SNCG: variants seen among roughly 807,000 people sequenced by gnomAD.
The protein encoded by SNCG is synuclein gamma.
A neutral mutation model predicts 16.0 loss-of-function variants in SNCG; 13 were observed. The observed-to-expected ratio is 0.81, with a 90% CI of 0.53 to 1.29. The LOEUF (loss-of-function observed/expected upper bound fraction) is 1.29, where lower values mean the gene tolerates loss of function less well. SNCG is among the 50% of genes most tolerant of loss of function. The pLI is 0.00. For missense variants in SNCG, 154 were observed against 168.5 expected (o/e 0.91, Z 0.48); for synonymous variants, 66 against 66.3 (o/e 1.00, Z 0.02).
intron 3 of SNCG, among the ~76,000 whole-genome samples, chr10:86,960,673 G>T (rs1028653015): frequency 6.6e-6 from 1 of 152,180 alleles, no homozygotes; most frequent in Non-Finnish European, 1.5e-5. Context: ...CACGTGTGTT[G>T]AGTGAGCATG....
Position 86,962,612 on chromosome 10 carries a change from G to C in SNCG, c.300G>C (p.Leu100Phe). The change falls in exon 4 of 5, where the codon TTG (leucine) becomes TTC (phenylalanine). Residue 100 changes from leucine (L) to phenylalanine (F), a missense_variant. Transcript: ENST00000372017. Reference sequence around the variant, plus strand: ...CCTTTTGTCCCCTACAGGAGGACTTGAGGCCATCTGCCCCCCAACAGGAGG... The same window carrying C: ...CCTTTTGTCCCCTACAGGAGGACTTCAGGCCATCTGCCCCCCAACAGGAGG... ...VTSGVVRKEDLRPSAPQQEGE... is the reference protein window; with the variant it reads ...VTSGVVRKEDFRPSAPQQEGE... 1 of 1,612,144 alleles carries C rather than the reference G, an allele frequency of 6.2e-7. No individual in the cohort carries two copies.
intron 4 of SNCG, 92 bp from the exon 5 acceptor site, chr10:86,962,873 G>T: frequency 6.9e-7 from 1 of 1,440,108 alleles, no homozygotes; most frequent in Non-Finnish European, 9.5e-7. Flanking sequence ...CCTCAGGCAT[G>T]GGGCACAGAA....
At position 86,960,023 on chromosome 10, in the gene SNCG, G is replaced by C; in HGVS notation, c.186G>C (p.Gln62His). The change falls in exon 3 of 5, where the codon CAG (glutamine) becomes CAC (histidine). Residue 62 changes from glutamine (Q) to histidine (H), a missense_variant. Coordinates refer to ENST00000372017, the MANE Select transcript of SNCG (RefSeq NM_003087.3). ...TAGTGGCCGAGAAGACCAAGGAGCA[G>C]GCCAACGCCGTGAGCGAGGCTGTGG... ...VTSVAEKTKEQANAVSEAVVS... is the reference protein window; with the variant it reads ...VTSVAEKTKEHANAVSEAVVS... The C allele has an allele frequency of 6.2e-7, 1 of 1,607,010 alleles. No homozygotes were observed. The highest frequency in any genetic ancestry group is 8.5e-7 in the Non-Finnish European group (1 of 1,177,562).
chr10:86,959,888 G>T lies in SNCG; in HGVS notation c.164-113G>T. 6.7e-7 allele frequency: 1 copy of T among 1,494,494 alleles called. No homozygotes were observed. The highest frequency in any genetic ancestry group is 9.0e-7 in the Non-Finnish European group (1 of 1,107,924). The allele number at this position is 1,494,494 out of a possible 1,614,324, so 92.6% of individuals were successfully genotyped here. A position where few individuals can be genotyped will look rare whatever the true frequency, so the allele number is the denominator to read the frequency against. Reference sequence around the variant, plus strand: ...CCTGGAGTCAGAGGGAGCAGGGGAGGGTCCCAGCAGGGCCAGGGCTCTGAG... The same window carrying T: ...CCTGGAGTCAGAGGGAGCAGGGGAGTGTCCCAGCAGGGCCAGGGCTCTGAG... On this transcript the variant is annotated intron_variant, in intron 2 of 4. Transcript: ENST00000372017. The surrounding 1 kb of genome is among the most constrained non-coding windows in gnomAD (Gnocchi z 4.3).
chr10:86,958,504 CT>C, upstream of SNCG: 4 of 1,188,572 alleles, frequency 3.4e-6, no homozygotes, highest in Non-Finnish European at 4.3e-6. Context: ...CCTTCCCTCC[CT>C]CCCTCCCTCC....
In SNCG at chr10:86,959,303, A is replaced by G; in HGVS notation, c.122-330A>G. 1 of 473,886 alleles carries G rather than the reference A, an allele frequency of 2.1e-6. No individual in the cohort carries two copies. The highest frequency in any genetic ancestry group is 3.0e-5 in the South Asian group (1 of 33,872). 29.4% of individuals were successfully genotyped at this position (473,886 alleles called of 1,614,324 possible). ...TCTCCAGAGGAGGAAGGGGAGGTCAAGCCAATGACTCAGCTCTGGCCCATC... is the reference window on the plus strand; with the variant it reads ...TCTCCAGAGGAGGAAGGGGAGGTCAGGCCAATGACTCAGCTCTGGCCCATC... On this transcript the variant is annotated intron_variant, in intron 1 of 4. Coordinates refer to ENST00000372017, the MANE Select transcript of SNCG (RefSeq NM_003087.3). This position sits in a 1 kb window ranked among gnomAD's most constrained non-coding sequence, Gnocchi z 4.3.
rs190030621 is a variant in SNCG at position 86,963,225 on chromosome 10, T to A, written c.*240T>A. On this transcript the variant is annotated 3_prime_UTR_variant, in exon 5 of 5. Transcript: ENST00000372017. ...CTTATGCTGCTGTGAATTTTTTTTTTAAATGATTCCAAATAAAACTTGAGC... is the reference window on the plus strand; with the variant it reads ...CTTATGCTGCTGTGAATTTTTTTTTAAAATGATTCCAAATAAAACTTGAGC... 8,218 of 427,878 alleles carry A rather than the reference T, an allele frequency of 0.019. 116 individuals carry two copies. The highest frequency in any genetic ancestry group is 0.045 in the Middle Eastern group (75 of 1,666). 26.5% of individuals were successfully genotyped at this position (427,878 alleles called of 1,614,324 possible). A position where few individuals can be genotyped will look rare whatever the true frequency, so the allele number is the denominator to read the frequency against.
At chr10:86,957,677 C>T, upstream of SNCG, 1 of 1,348,850 alleles carries the variant, frequency 7.4e-7, no homozygotes, top group Non-Finnish European at 9.9e-7. Context: ...GTGGCCTGGG[C>T]CGGCCTACCC....
chr10:86,956,436 C>A (rs1056237962), upstream of SNCG, among the ~76,000 whole-genome samples: 2 of 152,128 alleles, frequency 1.3e-5, no homozygotes. Flanking sequence ...GTAAGTTGGC[C>A]CCCCCCTCAC....
chr10:86,962,217 T>A (rs1420398027), intron 3 of SNCG, among the ~76,000 whole-genome samples: 4 of 151,650 alleles, frequency 2.6e-5, no homozygotes, highest in East Asian at 3.9e-4. Context: ...TGAACCCCAA[T>A]CAGTCTTCCT....
At chr10:86,962,496 G>C in intron 3 of SNCG, 108 bp from the exon 4 acceptor site, 4 of 711,684 alleles carry the variant, frequency 5.6e-6, no homozygotes, top group Non-Finnish European at 9.6e-6. Context: ...AGGCCACGAG[G>C]GGCCTCTGCT....
At position 86,959,801 on chromosome 10, in the gene SNCG, C is replaced by T; in HGVS notation, c.163+127C>T. Reference sequence around the variant, plus strand: ...CTGGGGTCCCAAGCCCTACAGACCCCTGCAGACCATGAGGCTAAACTAGGG... The same window carrying T: ...CTGGGGTCCCAAGCCCTACAGACCCTTGCAGACCATGAGGCTAAACTAGGG... On this transcript the variant is annotated intron_variant, in intron 2 of 4. Transcript: ENST00000372017. This position sits in a 1 kb window ranked among gnomAD's most constrained non-coding sequence, Gnocchi z 4.3. 2 of 1,257,624 alleles carry T rather than the reference C, an allele frequency of 1.6e-6. No individual in the cohort carries two copies. Among genetic ancestry groups the T allele is most frequent in the Non-Finnish European group, 2.2e-6 (2 of 914,752 alleles). The allele number at this position is 1,257,624 out of a possible 1,614,324, so 77.9% of individuals were successfully genotyped here.
At chr10:86,956,278 C>A (rs1404026784), upstream of SNCG, among the ~76,000 whole-genome samples, 4 of 152,136 alleles carry the variant, frequency 2.6e-5, no homozygotes, top group Admixed American at 2.6e-4. Context: ...CCACTGCCAC[C>A]AGACCCTCAC....
rs974778982 is a variant in SNCG, at chr10:86,959,420, CTT to C, written c.122-212_122-211del. 1 of 604,282 alleles carries C rather than the reference CTT, an allele frequency of 1.7e-6. No individual in the cohort carries two copies. Among genetic ancestry groups the C allele is most frequent in the Non-Finnish European group, 2.9e-6 (1 of 339,214 alleles). The allele number at this position is 604,282 out of a possible 1,614,324, so 37.4% of individuals were successfully genotyped here. On this transcript the variant is annotated intron_variant, in intron 1 of 4. Transcript: ENST00000372017. The surrounding 1 kb of genome is among the most constrained non-coding windows in gnomAD (Gnocchi z 4.3). The stretch of plus-strand genomic sequence containing the variant: ...TGTCCCTACCTCAGGCCTGCTCTCT[CTT>C]GTCCCCCACATTCTGTCCTGTCCCC...
At chr10:86,957,869 G>A (rs1844262839), upstream of SNCG, 2 of 1,115,968 alleles carry the variant, frequency 1.8e-6, no homozygotes, top group Non-Finnish European at 2.2e-6. Flanking sequence ...AAAAGAGCGT[G>A]GACTTCGAGG....
At chr10:86,958,533 A>C, upstream of SNCG, 5 of 982,518 alleles carry the variant, frequency 5.1e-6, no homozygotes, top group South Asian at 1.7e-5. Flanking sequence ...CACTGCACGC[A>C]GGGCTGGCTG....
At position 86,963,177 on chromosome 10, in the gene SNCG, A is replaced by G. The variant is rs1223418363; in HGVS notation, c.*192A>G. ...TCACTGCCCTCCCTCGGCCCCACCC[A>G]CCCTCTGGTCCTTCTGACCCCACTT... On this transcript the variant is annotated 3_prime_UTR_variant, in exon 5 of 5. Transcript: ENST00000372017. 1.4e-5 allele frequency: 6 copies of G among 440,774 alleles called. No individual in the cohort carries two copies. In the South Asian group the frequency reaches 2.9e-4, roughly 21 times the overall value. 27.3% of individuals were successfully genotyped at this position (440,774 alleles called of 1,614,324 possible). A position where few individuals can be genotyped will look rare whatever the true frequency, so the allele number is the denominator to read the frequency against.
At chr10:86,961,588 G>A (rs1391112095) in intron 3 of SNCG, among the ~76,000 whole-genome samples, 2 of 152,144 alleles carry the variant, frequency 1.3e-5, no homozygotes, top group Non-Finnish European at 2.9e-5. Context: ...GTGAGCCCTT[G>A]GAGCCACCTC....
At chr10:86,960,554 C>T (rs1254824057) in intron 3 of SNCG, among the ~76,000 whole-genome samples, 1 of 152,100 alleles carries the variant, frequency 6.6e-6, no homozygotes, top group African/African-American at 2.4e-5. Context: ...CTGGGCTGGG[C>T]GGGGCAGCTG....
Sources: allele counts gnomAD v4.1 joint callset (sites outside exome capture counted in the v4.1 genomes callset), GRCh38; gene constraint gnomAD v4.1.1; non-coding constraint Gnocchi (gnomAD v3.1); transcripts MANE v1.5; gene names NCBI Gene and HGNC (gene_info 2026-07-23, HGNC 2026-07-21).